The following ENOPH1 variants were observed in gnomAD, a reference collection of about 807,000 sequenced individuals.
ENOPH1 encodes enolase-phosphatase 1, also known as enolase-phosphatase E1.
Under a neutral mutation model 31.1 loss-of-function variants are expected in ENOPH1, and 14 were observed. That is an observed-to-expected ratio of 0.45 (90% confidence interval 0.30 to 0.70). ENOPH1 has a LOEUF of 0.70. Among genes scored for constraint, ENOPH1 ranks in the 30% least tolerant of loss-of-function variants. The pLI, the probability that ENOPH1 is intolerant of heterozygous loss-of-function variation, is 0.09. For synonymous variants in ENOPH1, 127 were observed against 123.2 expected, an observed-to-expected ratio of 1.03 and a Z score of -0.21; for missense variants, 243 against 321.5, an observed-to-expected ratio of 0.76 and a Z score of 1.87.
chr4:82,452,900 C>CTTT (rs761337281), intron 3 of ENOPH1, among the ~76,000 whole-genome samples: 6 of 115,918 alleles, frequency 5.2e-5, no homozygotes, highest in South Asian at 2.7e-4. Context: ...CTGAGAAATT[C>CTTT]TTTTTTTTTT....
chr4:82,451,680 GTTC>G (rs1722356400), intron 3 of ENOPH1, among the ~76,000 whole-genome samples: 1 of 152,194 alleles, frequency 6.6e-6, no homozygotes, highest in African/African-American at 2.4e-5. Context: ...GCACTACCAC[GTTC>G]TTCTTTGCTC....
At chr4:82,454,919 GA>G (rs1294290956) in intron 4 of ENOPH1, 65 bp downstream of exon 4, 2 of 1,486,232 alleles carry the variant, frequency 1.3e-6, no homozygotes, top group African/African-American at 2.8e-5. Flanking sequence ...AATCTTAATG[GA>G]AAACTAATTG....
intron 1 of ENOPH1, among the ~76,000 whole-genome samples, chr4:82,438,418 C>A (rs997369546): frequency 6.6e-6 from 1 of 151,428 alleles, no homozygotes; most frequent in Non-Finnish European, 1.5e-5. Context: ...CTTTGGAAGG[C>A]CATGGCAAGG....
chr4:82,444,500 A>G (rs1722131319), intron 1 of ENOPH1, among the ~76,000 whole-genome samples: 1 of 152,240 alleles, frequency 6.6e-6, no homozygotes, highest in African/African-American at 2.4e-5. Context: ...ATGAATAAAT[A>G]CGGTAACAAC....
intron 3 of ENOPH1, among the ~76,000 whole-genome samples, chr4:82,453,782 AAG>A (rs1479400687): frequency 6.6e-6 from 1 of 152,220 alleles, no homozygotes; most frequent in East Asian, 1.9e-4. Context: ...TAGAATTGGT[AAG>A]AGAGACTGAG....
intron 1 of ENOPH1, among the ~76,000 whole-genome samples, chr4:82,447,518 T>G (rs1322180423): frequency 1.3e-5 from 2 of 152,242 alleles, no homozygotes; most frequent in Non-Finnish European, 2.9e-5. Flanking sequence ...CATCTAGTTC[T>G]GTAGTTGGGA....
At chr4:82,449,464 A>C (rs924527619) in intron 2 of ENOPH1, among the ~76,000 whole-genome samples, 5 of 152,168 alleles carry the variant, frequency 3.3e-5, no homozygotes, top group Non-Finnish European at 5.9e-5. Context: ...TCTAATCATG[A>C]TGGAAGGCAA....
chr4:82,445,459 T>G (rs1041649035), intron 1 of ENOPH1, among the ~76,000 whole-genome samples: 1 of 152,218 alleles, frequency 6.6e-6, no homozygotes, highest in African/African-American at 2.4e-5. Flanking sequence ...TCATTTGTTT[T>G]TTTGTTTGTT....
chr4:82,446,754 C>T (rs1343329105), intron 1 of ENOPH1, among the ~76,000 whole-genome samples: 3 of 126,984 alleles, frequency 2.4e-5, no homozygotes, highest in South Asian at 5.2e-4. Flanking sequence ...GGCCGGACTG[C>T]GGACTGCAGT....
intron 1 of ENOPH1, among the ~76,000 whole-genome samples, chr4:82,433,655 T>C (rs759140428): frequency 3.7e-4 from 56 of 152,364 alleles, no homozygotes; most frequent in Non-Finnish European, 7.6e-4. Context: ...AATGCACTTT[T>C]GGGAAATGCT....
chr4:82,460,361 C>G lies in ENOPH1; in HGVS notation c.*241C>G, dbSNP rs1190838666. The G allele has an allele frequency of 5.4e-6, 2 of 369,446 alleles. No individual in the cohort carries two copies. Among genetic ancestry groups the G allele is most frequent in the South Asian group, 5.8e-5 (1 of 17,346 alleles). 22.9% of individuals were successfully genotyped at this position (369,446 alleles called of 1,614,324 possible). On this transcript the variant is annotated 3_prime_UTR_variant, in exon 6 of 6. Coordinates refer to ENST00000273920, the MANE Select transcript of ENOPH1 (RefSeq NM_021204.5). ...TGTAGAAATTGTTTCAAATCATACT[C>G]TAACCCTTAGTGAGGGCAAAGTGTA...
intron 5 of ENOPH1, among the ~76,000 whole-genome samples, chr4:82,457,624 C>T (rs905897037): frequency 1.3e-5 from 2 of 152,204 alleles, no homozygotes; most frequent in Non-Finnish European, 2.9e-5. Context: ...TATGTACACA[C>T]ACACACACAC....
At position 82,430,764 on chromosome 4, in the gene ENOPH1, C is replaced by T; in HGVS notation, c.-66C>T. On this transcript the variant is annotated 5_prime_UTR_variant, in exon 1 of 6. Transcript: ENST00000273920. ...CCCAAGACGGTACCGGGGGCCGCAG[C>T]CGCAGCCGGCGCCGCCCTCCGCCCT... 6.6e-7 allele frequency: 1 copy of T among 1,512,012 alleles called. No individual in the cohort carries two copies. Among genetic ancestry groups the T allele is most frequent in the East Asian group, 2.3e-5 (1 of 44,050 alleles). 93.7% of individuals were successfully genotyped at this position (1,512,012 alleles called of 1,614,324 possible). A position where few individuals can be genotyped will look rare whatever the true frequency, so the allele number is the denominator to read the frequency against.
At chr4:82,455,777 T>C (rs894152468) in intron 4 of ENOPH1, among the ~76,000 whole-genome samples, 7 of 151,410 alleles carry the variant, frequency 4.6e-5, no homozygotes, top group African/African-American at 9.7e-5. Flanking sequence ...TAGAGTGAGA[T>C]TCCATCTCAA....
intron 2 of ENOPH1, among the ~76,000 whole-genome samples, chr4:82,449,811 C>T (rs1722301745): frequency 6.6e-6 from 1 of 152,162 alleles, no homozygotes; most frequent in African/African-American, 2.4e-5. Flanking sequence ...CCTGGGTCCT[C>T]ACACTCACAC....
intron 4 of ENOPH1, among the ~76,000 whole-genome samples, chr4:82,455,332 G>T (rs1227703330): frequency 1.3e-5 from 2 of 152,174 alleles, no homozygotes; most frequent in Non-Finnish European, 2.9e-5. Flanking sequence ...GGAGGATGGG[G>T]TGATCAGTGA....
intron 1 of ENOPH1, among the ~76,000 whole-genome samples, chr4:82,435,922 G>C (rs1721893643): frequency 6.6e-6 from 1 of 152,166 alleles, no homozygotes; most frequent in Admixed American, 6.5e-5. Context: ...TGGTGATGAA[G>C]GTTAAATAAG....
At chr4:82,433,268 A>G (rs1177084585) in intron 1 of ENOPH1, among the ~76,000 whole-genome samples, 5 of 152,238 alleles carry the variant, frequency 3.3e-5, no homozygotes, top group Non-Finnish European at 7.4e-5. Context: ...TTTTTCCCCA[A>G]GTGTGTCTTC....
At chr4:82,458,086 C>A (rs1722536386) in intron 5 of ENOPH1, among the ~76,000 whole-genome samples, 1 of 125,690 alleles carries the variant, frequency 8.0e-6, no homozygotes, top group Non-Finnish European at 1.7e-5. Context: ...TAGGCCAGAA[C>A]TTGGGTCATC....
Sources: allele counts gnomAD v4.1 joint callset (sites outside exome capture counted in the v4.1 genomes callset), GRCh38; gene constraint gnomAD v4.1.1; transcripts MANE v1.5; gene names NCBI Gene and HGNC (gene_info 2026-07-23, HGNC 2026-07-21).